The following CNBD1 variants were observed in gnomAD, a reference collection of about 807,000 sequenced individuals.
CNBD1 encodes the protein cyclic nucleotide-binding domain-containing protein 1.
Under a neutral mutation model 54.4 loss-of-function variants are expected in CNBD1, and 71 were observed. The ratio of observed to expected loss-of-function variants is 1.30; its 90% CI spans 1.08 to 1.59. The LOEUF (loss-of-function observed/expected upper bound fraction) is 1.59. Among genes scored for constraint, CNBD1 ranks in the 40% most tolerant of loss-of-function variants. The pLI is 0.00. For missense variants in CNBD1, 659 were observed against 518.0 expected (o/e 1.27, Z -2.64); for synonymous variants, 182 against 170.7 (o/e 1.07, Z -0.51).
intron 5 of CNBD1, among the ~76,000 whole-genome samples, chr8:87,231,335 A>C (rs908712188): frequency 6.6e-6 from 1 of 152,214 alleles, no homozygotes; most frequent in East Asian, 1.9e-4. Flanking sequence ...ATATATTTCA[A>C]GAATGAGACA....
intron 2 of CNBD1, among the ~76,000 whole-genome samples, chr8:86,892,296 G>C (rs1808780719): frequency 6.6e-6 from 1 of 152,054 alleles, no homozygotes; most frequent in African/African-American, 2.4e-5. Context: ...CCCATGAACA[G>C]TTGGATACTT....
At chr8:87,074,100 C>CAA (rs34907275) in intron 4 of CNBD1, among the ~76,000 whole-genome samples, 93 of 107,000 alleles carry the variant, frequency 8.7e-4, no homozygotes, top group African/African-American at 1.5e-3. Context: ...GACTCCATCT[C>CAA]AAAAAAAAAA....
chr8:87,050,737 G>T (rs903383283), intron 4 of CNBD1, among the ~76,000 whole-genome samples: 12 of 152,318 alleles, frequency 7.9e-5, no homozygotes, highest in Middle Eastern at 3.4e-3. Context: ...TCGAACCACA[G>T]CCTCATTAAT....
intron 4 of CNBD1, among the ~76,000 whole-genome samples, chr8:87,025,594 C>A (rs1391620655): frequency 2.0e-5 from 3 of 151,920 alleles, no homozygotes; most frequent in African/African-American, 4.8e-5. Context: ...TCTGGATATG[C>A]CACCTGTAAG....
intron 2 of CNBD1, among the ~76,000 whole-genome samples, chr8:87,394,952 C>G (rs949240433): frequency 3.3e-5 from 5 of 151,824 alleles, no homozygotes; most frequent in African/African-American, 1.2e-4. Context: ...ACTAACCCAC[C>G]AAATTAAGTA....
intron 8 of CNBD1, among the ~76,000 whole-genome samples, chr8:87,351,339 G>A (rs76808871): frequency 0.024 from 3,675 of 152,184 alleles, 151 homozygotes; most frequent in African/African-American, 0.081. Flanking sequence ...TTTCAAATGA[G>A]CCATGGTGGA....
intron 4 of CNBD1, among the ~76,000 whole-genome samples, chr8:86,995,105 G>T (rs974262633): frequency 6.6e-6 from 1 of 152,264 alleles, no homozygotes; most frequent in South Asian, 2.1e-4. Context: ...GCTTGGTGGG[G>T]ATGCAGGTGG....
chr8:87,238,318 C>G (rs1807623177), intron 6 of CNBD1, among the ~76,000 whole-genome samples: 1 of 152,102 alleles, frequency 6.6e-6, no homozygotes, highest in Non-Finnish European at 1.5e-5. Context: ...GGAAACTCTA[C>G]CCACTACCAA....
At chr8:87,371,139 T>C (rs1810780671) in intron 10 of CNBD1, among the ~76,000 whole-genome samples, 1 of 151,788 alleles carries the variant, frequency 6.6e-6, no homozygotes, top group African/African-American at 2.4e-5. Context: ...AGCCTTGTAG[T>C]ATAGTTTGAA....
At chr8:87,395,443 T>C (rs1288127307) in intron 2 of CNBD1, among the ~76,000 whole-genome samples, 2 of 151,942 alleles carry the variant, frequency 1.3e-5, no homozygotes. Flanking sequence ...TTAAGAAACA[T>C]GTATTCATTT....
At chr8:87,168,547 A>G (rs1813016523) in intron 4 of CNBD1, among the ~76,000 whole-genome samples, 1 of 151,914 alleles carries the variant, frequency 6.6e-6, no homozygotes, top group Non-Finnish European at 1.5e-5. Context: ...TTGTATACCC[A>G]TTAACCATCC....
chr8:86,988,145 T>G (rs1273106118), intron 4 of CNBD1, among the ~76,000 whole-genome samples: 1 of 940 alleles, frequency 1.1e-3, no homozygotes, highest in Admixed American at 0.011. Flanking sequence ...GTTGATAGGT[T>G]TTTTTTTTTT....
intron 6 of CNBD1, among the ~76,000 whole-genome samples, chr8:87,275,201 G>T (rs1273361682): frequency 7.1e-6 from 1 of 141,754 alleles, no homozygotes; most frequent in Non-Finnish European, 1.5e-5. Context: ...TTGAAGTCTG[G>T]TAGTGTGATG....
intron 8 of CNBD1, among the ~76,000 whole-genome samples, chr8:87,350,310 TTGAC>T (rs1810259363): frequency 1.3e-5 from 2 of 152,044 alleles, no homozygotes; most frequent in Non-Finnish European, 2.9e-5. Context: ...AAATAAATGA[TTGAC>T]AACAGTAGAA....
At chr8:87,297,507 TA>T (rs1287155459) in intron 8 of CNBD1, among the ~76,000 whole-genome samples, 2 of 152,194 alleles carry the variant, frequency 1.3e-5, no homozygotes, top group Non-Finnish European at 2.9e-5. Context: ...TATGAATTTT[TA>T]AATCTGTGTA....
chr8:86,879,858 C>T (rs1426875672), intron 1 of CNBD1, among the ~76,000 whole-genome samples: 4 of 134,070 alleles, frequency 3.0e-5, no homozygotes, highest in African/African-American at 8.7e-5. Context: ...GGCGACAGAG[C>T]GAGAGTCCGT....
At chr8:87,024,640 C>T (rs899993474) in intron 4 of CNBD1, among the ~76,000 whole-genome samples, 1 of 152,088 alleles carries the variant, frequency 6.6e-6, no homozygotes, top group East Asian at 1.9e-4. Flanking sequence ...CCACACCCAG[C>T]CAGGAATAAC....
chr8:87,010,574 C>A (rs1244274190), intron 4 of CNBD1, among the ~76,000 whole-genome samples: 1 of 151,976 alleles, frequency 6.6e-6, no homozygotes, highest in Non-Finnish European at 1.5e-5. Flanking sequence ...ATGGTGAAAC[C>A]CTATCTCTAC....
chr8:87,329,931 A>G (rs943245340), intron 8 of CNBD1, among the ~76,000 whole-genome samples: 1 of 151,958 alleles, frequency 6.6e-6, no homozygotes, highest in Non-Finnish European at 1.5e-5. Flanking sequence ...GTATAATGTT[A>G]AAAGGACTAG....
Sources: allele counts gnomAD v4.1 joint callset (sites outside exome capture counted in the v4.1 genomes callset), GRCh38; gene constraint gnomAD v4.1.1; transcripts MANE v1.5; gene names NCBI Gene and HGNC (gene_info 2026-07-23, HGNC 2026-07-21).